The following ACAP2 variants were observed in gnomAD, a reference collection of about 807,000 sequenced individuals.
The protein encoded by ACAP2 is arf-GAP with coiled-coil, ANK repeat and PH domain-containing protein 2.
In ACAP2, 39 loss-of-function variants were observed where a neutral mutation model predicts 115.8. The observed-to-expected ratio is 0.34, with a 90% confidence interval of 0.26 to 0.44. ACAP2 has a LOEUF of 0.44. Among genes scored for constraint, ACAP2 ranks in the 20% least tolerant of loss-of-function variants. The pLI, the probability that ACAP2 is intolerant of heterozygous loss-of-function variation, is 1.00. For synonymous variants in ACAP2, 289 were observed against 315.8 expected (o/e 0.92, Z 0.90); for missense variants, 662 against 927.6 (o/e 0.71, Z 3.72).
At chr3:195,366,609 A>T (rs1732740177) in intron 4 of ACAP2, among the ~76,000 whole-genome samples, 2 of 152,222 alleles carry the variant, frequency 1.3e-5, no homozygotes, top group African/African-American at 4.8e-5. Context: ...TGTTTACAGG[A>T]AACAATCCAC....
intron 4 of ACAP2, among the ~76,000 whole-genome samples, chr3:195,367,869 A>G (rs1178331274): frequency 1.3e-5 from 2 of 152,210 alleles, no homozygotes; most frequent in East Asian, 3.8e-4. Context: ...TGAATCCTTC[A>G]GCCACAGTCA....
chr3:195,332,027 AG>A (rs1347574175), intron 8 of ACAP2, among the ~76,000 whole-genome samples: 1 of 151,180 alleles, frequency 6.6e-6, no homozygotes, highest in East Asian at 2.0e-4. Flanking sequence ...CCAGCTACTC[AG>A]GAGGCTGAGG....
At chr3:195,304,874 C>G (rs1419815731) in intron 13 of ACAP2, among the ~76,000 whole-genome samples, 1 of 152,178 alleles carries the variant, frequency 6.6e-6, no homozygotes, top group Admixed American at 6.5e-5. Flanking sequence ...TTTTTAGTGC[C>G]TAACACTTAT....
At chr3:195,294,876 A>C (rs1296669412) in intron 17 of ACAP2, 65 bp from the exon 18 acceptor site, 1 of 1,056,388 alleles carries the variant, frequency 9.5e-7, no homozygotes, top group Non-Finnish European at 1.4e-6. Flanking sequence ...TCTCCCACAA[A>C]CAAGGTTTTA....
chr3:195,384,542 T>C (rs1036244843), intron 2 of ACAP2, among the ~76,000 whole-genome samples: 5 of 151,884 alleles, frequency 3.3e-5, no homozygotes, highest in Non-Finnish European at 7.4e-5. Flanking sequence ...GCCTGGCCAA[T>C]GTGGCAAAAC....
intron 4 of ACAP2, among the ~76,000 whole-genome samples, chr3:195,356,614 G>C (rs1731989664): frequency 6.6e-6 from 1 of 152,084 alleles, no homozygotes; most frequent in South Asian, 2.1e-4. Flanking sequence ...AGGATAAACA[G>C]GACTTTGTTT....
Position 195,274,970 on chromosome 3 carries a change from T to C in ACAP2, c.*4358A>G, listed in dbSNP as rs936202431. 3 of 152,662 alleles carry C rather than the reference T, an allele frequency of 2.0e-5. No homozygotes were observed. The highest frequency in any genetic ancestry group is 4.4e-5 in the Non-Finnish European group (3 of 68,042). 9.5% of individuals were successfully genotyped at this position (152,662 alleles called of 1,614,324 possible). On this transcript the variant is annotated 3_prime_UTR_variant, in exon 23 of 23. Transcript: ENST00000326793. ...GGTTATACATTCTTTAAAATATACC[T>C]TTTCACAGGTAGCAAGAAATAGTAC...
intron 10 of ACAP2, among the ~76,000 whole-genome samples, chr3:195,312,469 T>A (rs1728833064): frequency 6.6e-6 from 1 of 152,142 alleles, no homozygotes; most frequent in African/African-American, 2.4e-5. Flanking sequence ...TTTAGACATA[T>A]ATGTAATTTT....
rs1483054737 is a variant in ACAP2 at position 195,275,392 on chromosome 3, T to G, written c.*3936A>C. ...TGATAAGTATGTGGTGAATTAAAAT[T>G]ACTTTTATAATGTTTTGCTTTCATT... On this transcript the variant is annotated 3_prime_UTR_variant, in exon 23 of 23. Coordinates refer to ENST00000326793, the MANE Select transcript of ACAP2 (RefSeq NM_012287.6). The G allele has an allele frequency of 3.3e-5, 5 of 152,248 alleles. No homozygotes were observed. Among genetic ancestry groups the G allele is most frequent in the African/African-American group, 1.2e-4 (5 of 41,470 alleles). The allele number at this position is 152,248 out of a possible 1,614,324, so 9.4% of individuals were successfully genotyped here. A position where few individuals can be genotyped will look rare whatever the true frequency, so the allele number is the denominator to read the frequency against.
At chr3:195,325,898 T>A (rs1020820087) in intron 9 of ACAP2, among the ~76,000 whole-genome samples, 1 of 152,072 alleles carries the variant, frequency 6.6e-6, no homozygotes, top group Admixed American at 6.6e-5. Flanking sequence ...CGAAACAAAA[T>A]AAAACGTGGA....
At chr3:195,330,428 T>C (rs141948184) in intron 8 of ACAP2, among the ~76,000 whole-genome samples, 60 of 152,268 alleles carry the variant, frequency 3.9e-4, no homozygotes, top group Non-Finnish European at 7.5e-4. Context: ...CCTATAAAAC[T>C]AAAATGATTA....
In ACAP2 at chr3:195,276,264, CCAAT is replaced by C. The variant is rs1245801591; in HGVS notation, c.*3060_*3063del. 6.6e-6 allele frequency: 1 copy of C among 151,946 alleles called. No homozygotes were observed. The highest frequency in any genetic ancestry group is 1.9e-4 in the East Asian group (1 of 5,184). 9.4% of individuals were successfully genotyped at this position (151,946 alleles called of 1,614,324 possible). A position where few individuals can be genotyped will look rare whatever the true frequency, so the allele number is the denominator to read the frequency against. ...TAAATCTGTATGTCTGGAAAAGTAA[CCAAT>C]CAAAGTTCATTAAAATATACAGTGA... On this transcript the variant is annotated 3_prime_UTR_variant, in exon 23 of 23. Transcript: ENST00000326793.
chr3:195,434,497 A>G (rs919150206), intron 1 of ACAP2, among the ~76,000 whole-genome samples: 1 of 152,162 alleles, frequency 6.6e-6, no homozygotes, highest in Admixed American at 6.5e-5. Flanking sequence ...CGGCCTCCCA[A>G]AGTGCTGGGA....
intron 4 of ACAP2, among the ~76,000 whole-genome samples, chr3:195,358,948 A>G (rs1220179851): frequency 6.6e-6 from 1 of 152,212 alleles, no homozygotes; most frequent in Non-Finnish European, 1.5e-5. Flanking sequence ...AAGAAAAGAA[A>G]CAATACAATG....
chr3:195,391,872 G>A (rs367793167), intron 2 of ACAP2, among the ~76,000 whole-genome samples: 47 of 152,038 alleles, frequency 3.1e-4, no homozygotes, highest in South Asian at 1.7e-3. Context: ...GTGCACGCCT[G>A]TAATCCCAGC....
intron 4 of ACAP2, among the ~76,000 whole-genome samples, chr3:195,379,688 T>C (rs1405701496): frequency 6.6e-6 from 1 of 152,160 alleles, no homozygotes; most frequent in Non-Finnish European, 1.5e-5. Context: ...CCTGTAGTCC[T>C]AGCCAATTGG....
At chr3:195,412,498 G>T (rs1271559012) in intron 1 of ACAP2, among the ~76,000 whole-genome samples, 1 of 152,092 alleles carries the variant, frequency 6.6e-6, no homozygotes, top group African/African-American at 2.4e-5. Flanking sequence ...TGTAGTCCCA[G>T]CTACTCAGGA....
At chr3:195,374,221 A>T (rs1200221499) in intron 4 of ACAP2, among the ~76,000 whole-genome samples, 1 of 152,068 alleles carries the variant, frequency 6.6e-6, no homozygotes, top group East Asian at 1.9e-4. Flanking sequence ...CCCCATCTCT[A>T]CTAAAAATAA....
intron 4 of ACAP2, among the ~76,000 whole-genome samples, chr3:195,377,495 G>A (rs776290067): frequency 2.6e-5 from 4 of 152,196 alleles, no homozygotes; most frequent in Middle Eastern, 3.4e-3. Flanking sequence ...TCCCTAAAAT[G>A]AGAGTTATGT....
Sources: allele counts gnomAD v4.1 joint callset (sites outside exome capture counted in the v4.1 genomes callset), GRCh38; gene constraint gnomAD v4.1.1; transcripts MANE v1.5; gene names NCBI Gene and HGNC (gene_info 2026-07-23, HGNC 2026-07-21).